Variants in FNBP1L observed in about 807,000 individuals in gnomAD.
FNBP1L encodes formin-binding protein 1-like.
Under a neutral mutation model 91.2 loss-of-function variants are expected in FNBP1L, and 36 were observed. That is an observed-to-expected ratio of 0.39 (90% CI 0.30 to 0.52). The LOEUF is 0.52. Ranked by LOEUF, FNBP1L falls within the 20% of genes least tolerant of loss-of-function variation. FNBP1L has a pLI of 0.66. For missense variants in FNBP1L, 571 were observed against 732.1 expected (o/e 0.78, Z 2.54); for synonymous variants, 242 against 237.0 (o/e 1.02, Z -0.19).
intron 2 of FNBP1L, among the ~76,000 whole-genome samples, chr1:93,512,841 T>C (rs371449408): frequency 1.2e-4 from 18 of 151,418 alleles, no homozygotes; most frequent in African/African-American, 1.9e-4. Context: ...AAATTGACAC[T>C]CTAACATCAC....
chr1:93,534,035 C>T (rs1671767307), intron 8 of FNBP1L, among the ~76,000 whole-genome samples: 1 of 152,080 alleles, frequency 6.6e-6, no homozygotes, highest in Non-Finnish European at 1.5e-5. Flanking sequence ...TAAGGTATCA[C>T]TAAAGCATTC....
intron 1 of FNBP1L, among the ~76,000 whole-genome samples, chr1:93,483,902 A>T (rs1669806208): frequency 6.6e-6 from 1 of 152,186 alleles, no homozygotes; most frequent in Admixed American, 6.5e-5. Context: ...TGCATCATTG[A>T]TTTAGCTGTT....
chr1:93,516,001 C>A (rs1460667680), intron 2 of FNBP1L, among the ~76,000 whole-genome samples: 1 of 152,022 alleles, frequency 6.6e-6, no homozygotes, highest in Non-Finnish European at 1.5e-5. Flanking sequence ...AAGATTTATT[C>A]TCAATTATAT....
In FNBP1L at chr1:93,448,907, C is replaced by T. The variant is rs566590265; in HGVS notation, c.24+602C>T. 1.6e-3 allele frequency among the ~76,000 whole-genome samples: 247 copies of T among 152,322 alleles called. 1 individual carries two copies. Among genetic ancestry groups the T allele is most frequent in the Middle Eastern group, 3.4e-3 (1 of 294 alleles). On this transcript the variant is annotated intron_variant, in intron 1 of 16. Coordinates refer to ENST00000271234, the MANE Select transcript of FNBP1L (RefSeq NM_001164473.3). ...GCCCAGCCCACACGCACATTTCTCT[C>T]TCCCTGCCTCAGTGCTTCGGGCGGG...
chr1:93,539,947 T>A (rs947660428), intron 10 of FNBP1L, among the ~76,000 whole-genome samples: 1 of 152,172 alleles, frequency 6.6e-6, no homozygotes, highest in Non-Finnish European at 1.5e-5. Context: ...CCCCAACACC[T>A]TCTCTTAAAA....
chr1:93,483,711 A>G (rs1669797313), intron 1 of FNBP1L, among the ~76,000 whole-genome samples: 1 of 152,226 alleles, frequency 6.6e-6, no homozygotes, highest in Admixed American at 6.5e-5. Context: ...TAAGAATAGT[A>G]TGAGGTCACT....
At chr1:93,529,483 C>T (rs1273947541) in intron 5 of FNBP1L, among the ~76,000 whole-genome samples, 169 bp from the exon 6 acceptor site, 2 of 152,026 alleles carry the variant, frequency 1.3e-5, no homozygotes, top group Non-Finnish European at 2.9e-5. Context: ...GATACATGTG[C>T]AGGACGTGCA....
intron 7 of FNBP1L, 60 bp from the exon 8 acceptor site, chr1:93,532,862 C>T (rs914445033): frequency 1.1e-5 from 14 of 1,282,566 alleles, no homozygotes; most frequent in African/African-American, 1.5e-5. Context: ...ACTAATTGAA[C>T]TCCTTTAGAA....
intron 1 of FNBP1L, among the ~76,000 whole-genome samples, chr1:93,489,817 T>A (rs1670037365): frequency 6.6e-6 from 1 of 152,190 alleles, no homozygotes; most frequent in Non-Finnish European, 1.5e-5. Flanking sequence ...AGTTGGTGTT[T>A]TAGCTCTATG....
intron 1 of FNBP1L, among the ~76,000 whole-genome samples, chr1:93,479,871 G>A (rs1669631470): frequency 6.6e-6 from 1 of 152,126 alleles, no homozygotes; most frequent in African/African-American, 2.4e-5. Context: ...TTGTACAATA[G>A]TGGTCCTGAG....
intron 2 of FNBP1L, among the ~76,000 whole-genome samples, chr1:93,516,543 C>A (rs955313071): frequency 6.6e-6 from 1 of 152,088 alleles, no homozygotes; most frequent in Non-Finnish European, 1.5e-5. Flanking sequence ...GGGCTGGGCA[C>A]GATGGCTCAC....
intron 1 of FNBP1L, among the ~76,000 whole-genome samples, chr1:93,497,912 G>A (rs905102019): frequency 4.0e-5 from 6 of 151,892 alleles, no homozygotes; most frequent in African/African-American, 1.2e-4. Context: ...GAGCCACTGC[G>A]CCCGGCCATA....
chr1:93,539,369 A>G (rs754704329), intron 10 of FNBP1L, among the ~76,000 whole-genome samples: 3 of 151,880 alleles, frequency 2.0e-5, no homozygotes, highest in Non-Finnish European at 4.4e-5. Flanking sequence ...AGAATAAGAT[A>G]TTTTTGTATG....
intron 1 of FNBP1L, among the ~76,000 whole-genome samples, chr1:93,452,389 C>G (rs1400976267): frequency 6.6e-6 from 1 of 152,160 alleles, no homozygotes; most frequent in Non-Finnish European, 1.5e-5. Context: ...TTAAGTTTTA[C>G]TACTTGGGTT....
At chr1:93,467,227 T>C (rs1244156349) in intron 1 of FNBP1L, among the ~76,000 whole-genome samples, 2 of 152,144 alleles carry the variant, frequency 1.3e-5, no homozygotes, top group Non-Finnish European at 2.9e-5. Flanking sequence ...AGCTAAAAAA[T>C]GGAAGCAACC....
At chr1:93,527,752 T>C (rs942779796) in intron 5 of FNBP1L, among the ~76,000 whole-genome samples, 1 of 152,012 alleles carries the variant, frequency 6.6e-6, no homozygotes, top group African/African-American at 2.4e-5. Context: ...TCCCAGGATA[T>C]TTAAAGAAGA....
At chr1:93,536,251 T>C in intron 9 of FNBP1L, 81 bp from the exon 10 acceptor site, 1 of 1,046,820 alleles carries the variant, frequency 9.6e-7, no homozygotes, top group Non-Finnish European at 1.3e-6. Context: ...GTGAAAAGTA[T>C]GTTGCCAAAA....
At chr1:93,470,988 G>C (rs1669267301) in intron 1 of FNBP1L, among the ~76,000 whole-genome samples, 1 of 151,910 alleles carries the variant, frequency 6.6e-6, no homozygotes, top group Non-Finnish European at 1.5e-5. Flanking sequence ...TATTTTGGCT[G>C]TTCTTTGGTA....
At chr1:93,514,032 G>C (rs1189609625) in intron 2 of FNBP1L, among the ~76,000 whole-genome samples, 7 of 152,152 alleles carry the variant, frequency 4.6e-5, no homozygotes, top group South Asian at 2.1e-4. Context: ...CACTGTCTCA[G>C]CCCAAAATCT....
Sources: gnomAD v4.1 joint callset for allele counts (sites outside exome capture counted in the v4.1 genomes callset) on GRCh38, gnomAD v4.1.1 for gene constraint, MANE v1.5 for transcripts, NCBI Gene and HGNC (gene_info 2026-07-23, HGNC 2026-07-21) for gene names.